Variants in FRMD5 observed in about 807,000 individuals in gnomAD.
The protein encoded by FRMD5 is FERM domain containing 5.
FRMD5 carries 20 observed loss-of-function variants against 69.0 expected under a neutral mutation model. The observed-to-expected ratio is 0.29, with a 90% confidence interval of 0.20 to 0.42. The LOEUF (loss-of-function observed/expected upper bound fraction) is 0.42, where lower values mean the gene tolerates loss of function less well. Ranked by LOEUF, FRMD5 falls within the 10% of genes least tolerant of loss-of-function variation. The pLI, the probability that FRMD5 is intolerant of heterozygous loss-of-function variation, is 1.00. For synonymous variants in FRMD5, 271 were observed against 260.1 expected (o/e 1.04, Z -0.40); for missense variants, 595 against 708.6 (o/e 0.84, Z 1.82).
chr15:44,038,674 G>T (rs552404819), intron 1 of FRMD5, among the ~76,000 whole-genome samples: 12 of 152,072 alleles, frequency 7.9e-5, no homozygotes, highest in Non-Finnish European at 1.5e-4. Context: ...CATTGGGACT[G>T]GTTGGACAGT....
intron 1 of FRMD5, among the ~76,000 whole-genome samples, chr15:43,935,310 T>C (rs2089740982): frequency 6.6e-6 from 1 of 152,014 alleles, no homozygotes. Flanking sequence ...TGAAACCCCA[T>C]CTCTACTAAA....
At chr15:44,050,610 T>C (rs1892620118) in intron 1 of FRMD5, among the ~76,000 whole-genome samples, 2 of 145,762 alleles carry the variant, frequency 1.4e-5, no homozygotes, top group South Asian at 4.4e-4. Flanking sequence ...GTTCAAGTGA[T>C]CCTCATGCTT....
At chr15:44,048,800 T>C (rs1037815531) in intron 1 of FRMD5, among the ~76,000 whole-genome samples, 2 of 152,152 alleles carry the variant, frequency 1.3e-5, no homozygotes, top group African/African-American at 4.8e-5. Flanking sequence ...CTTGAACTCC[T>C]AGCCTCAAGT....
intron 1 of FRMD5, among the ~76,000 whole-genome samples, chr15:44,185,284 G>A (rs1386481815): frequency 6.6e-6 from 1 of 152,130 alleles, no homozygotes; most frequent in Admixed American, 6.5e-5. Context: ...TTTTATCAGA[G>A]TTTCACTGCT....
At chr15:43,888,910 G>C in intron 8 of FRMD5, 38 bp from the exon 9 acceptor site, 14 of 1,570,888 alleles carry the variant, frequency 8.9e-6, no homozygotes, top group Non-Finnish European at 1.2e-5. Flanking sequence ...CCTCATTGTG[G>C]GCTGCTTGTT....
At chr15:43,903,861 G>A (rs1336997135) in intron 6 of FRMD5, among the ~76,000 whole-genome samples, 1 of 152,188 alleles carries the variant, frequency 6.6e-6, no homozygotes, top group African/African-American at 2.4e-5. Context: ...GTCTCCTAAA[G>A]CCCTCCAGGC....
At chr15:43,949,852 T>C (rs760185161) in intron 1 of FRMD5, among the ~76,000 whole-genome samples, 1 of 151,922 alleles carries the variant, frequency 6.6e-6, no homozygotes. Context: ...TCGTGCTGCA[T>C]ACATATTTGG....
chr15:44,024,413 G>A (rs1371267348), intron 1 of FRMD5, among the ~76,000 whole-genome samples: 1 of 152,044 alleles, frequency 6.6e-6, no homozygotes, highest in Non-Finnish European at 1.5e-5. Flanking sequence ...ATTTTCTTTT[G>A]TACCTAGCAT....
intron 1 of FRMD5, among the ~76,000 whole-genome samples, chr15:44,018,741 T>C (rs1432311619): frequency 6.6e-6 from 1 of 152,184 alleles, no homozygotes; most frequent in African/African-American, 2.4e-5. Context: ...ATAGAGACTT[T>C]TGCCCTGTAA....
At chr15:44,067,360 A>C (rs1893354274) in intron 1 of FRMD5, among the ~76,000 whole-genome samples, 1 of 152,222 alleles carries the variant, frequency 6.6e-6, no homozygotes, top group South Asian at 2.1e-4. Context: ...CCAAATAAAA[A>C]ATAGTTAAAA....
chr15:44,169,429 A>T (rs1374842703), intron 1 of FRMD5, among the ~76,000 whole-genome samples: 3 of 152,180 alleles, frequency 2.0e-5, no homozygotes, highest in Non-Finnish European at 2.9e-5. Context: ...AACCTCTGAG[A>T]CCTAAGATCA....
At chr15:44,013,857 CT>C (rs3040909) in intron 1 of FRMD5, among the ~76,000 whole-genome samples, 12 of 131,592 alleles carry the variant, frequency 9.1e-5, no homozygotes, top group Admixed American at 3.2e-4. Context: ...GAGACACCTT[CT>C]TTTTTTTTTT....
intron 1 of FRMD5, among the ~76,000 whole-genome samples, chr15:43,968,574 A>C (rs2090330283): frequency 6.6e-6 from 1 of 152,212 alleles, no homozygotes; most frequent in Admixed American, 6.5e-5. Flanking sequence ...GATGACAGTC[A>C]TTAATTGTAC....
chr15:43,960,541 G>A (rs2090182443), intron 1 of FRMD5, among the ~76,000 whole-genome samples: 1 of 152,178 alleles, frequency 6.6e-6, no homozygotes, highest in Admixed American at 6.5e-5. Context: ...GAGCCACAGT[G>A]CCTGGCCTAA....
chr15:43,883,112 CTTT>C (rs1337334244), intron 13 of FRMD5, among the ~76,000 whole-genome samples: 1 of 142,752 alleles, frequency 7.0e-6, no homozygotes, highest in African/African-American at 2.6e-5. Flanking sequence ...TTAAAAAATT[CTTT>C]TTTTTTTTTG....
chr15:44,091,789 A>AT (rs998065467), intron 1 of FRMD5, among the ~76,000 whole-genome samples: 18 of 150,130 alleles, frequency 1.2e-4, no homozygotes, highest in East Asian at 7.8e-4. Context: ...ATCCATGGGA[A>AT]TTTTTTTTTT....
chr15:44,190,148 C>T (rs1012022763), intron 1 of FRMD5, among the ~76,000 whole-genome samples: 2 of 152,182 alleles, frequency 1.3e-5, no homozygotes, highest in African/African-American at 4.8e-5. Context: ...TTCTTTAGTA[C>T]AAGCCTTAAC....
upstream of FRMD5, among the ~76,000 whole-genome samples, chr15:44,196,745 TCTCTCTTTCTC>T (rs2078307024): frequency 3.5e-5 from 4 of 114,406 alleles, no homozygotes; most frequent in African/African-American, 8.7e-5. Flanking sequence ...TCTCTCTCTC[TCTCTCTTTCTC>T]TCTCTCTCTC....
chr15:43,973,429 G>A (rs1422968308), intron 1 of FRMD5, among the ~76,000 whole-genome samples: 3 of 150,686 alleles, frequency 2.0e-5, no homozygotes, highest in South Asian at 2.1e-4. Flanking sequence ...GCAATGGCAC[G>A]ATATCTCCGC....
Sources: allele counts gnomAD v4.1 joint callset (sites outside exome capture counted in the v4.1 genomes callset), GRCh38; gene constraint gnomAD v4.1.1; transcripts MANE v1.5; gene names NCBI Gene and HGNC (gene_info 2026-07-23, HGNC 2026-07-21).